Variants in NRXN3 observed in about 807,000 individuals in gnomAD.
The protein encoded by NRXN3 is neurexin 3, also known as neurexin III.
A neutral mutation model predicts 137.6 loss-of-function variants in NRXN3; 32 were observed. The observed-to-expected ratio is 0.23, with a 90% CI of 0.18 to 0.31. The LOEUF is 0.31. Among genes scored for constraint, NRXN3 ranks in the 10% least tolerant of loss-of-function variants. NRXN3 has a pLI of 1.00. For synonymous variants in NRXN3, 798 were observed against 784.5 expected (o/e 1.02, Z -0.29); for missense variants, 1,574 against 2,062.5 (o/e 0.76, Z 4.59).
intron 15 of NRXN3, among the ~76,000 whole-genome samples, chr14:79,238,629 T>C (rs2073820116): frequency 6.6e-6 from 1 of 152,176 alleles, no homozygotes; most frequent in Non-Finnish European, 1.5e-5. Context: ...ATCTTAATTT[T>C]CTTTTTTACA....
intron 19 of NRXN3, among the ~76,000 whole-genome samples, chr14:79,766,414 T>A (rs1289799008): frequency 6.6e-6 from 1 of 152,228 alleles, no homozygotes; most frequent in East Asian, 1.9e-4. Context: ...AATAGACGCT[T>A]ATTTCTTTTT....
In NRXN3 at chr14:79,216,544, G is replaced by C. The variant is rs533660755; in HGVS notation, c.3262+228403G>C. Among the ~76,000 whole-genome samples the C allele has an allele frequency of 3.3e-5, 5 of 152,158 alleles. No individual in the cohort carries two copies. In the South Asian group the frequency reaches 1.0e-3, roughly 32 times the overall value. On this transcript the variant is annotated intron_variant, in intron 15 of 20. Transcript: ENST00000335750. Reference sequence around the variant, plus strand: ...AATATACTTCTCTACAATATTGTTTGGTCATCTTATAAAAGTAAAAAATAG... The same window carrying C: ...AATATACTTCTCTACAATATTGTTTCGTCATCTTATAAAAGTAAAAAATAG...
intron 8 of NRXN3, among the ~76,000 whole-genome samples, chr14:78,761,984 G>C (rs1010917794): frequency 2.0e-5 from 3 of 152,170 alleles, no homozygotes; most frequent in African/African-American, 2.4e-5. Flanking sequence ...TCATTTTACA[G>C]ATAGGGAAAT....
chr14:79,506,208 G>A (rs2096876709), intron 16 of NRXN3, among the ~76,000 whole-genome samples: 1 of 152,116 alleles, frequency 6.6e-6, no homozygotes, highest in Admixed American at 6.6e-5. Context: ...TCAAGGGGAG[G>A]GGATTTTACA....
At chr14:79,085,448 G>A (rs935052750) in intron 15 of NRXN3, among the ~76,000 whole-genome samples, 8 of 151,960 alleles carry the variant, frequency 5.3e-5, no homozygotes, top group East Asian at 1.9e-4. Flanking sequence ...GTTTTTGAAC[G>A]TGCCCATTTT....
chr14:79,836,654 G>T (rs1016782945), intron 20 of NRXN3, among the ~76,000 whole-genome samples: 1 of 152,080 alleles, frequency 6.6e-6, no homozygotes. Context: ...CTTAGATTGA[G>T]GGTCCCAGAG....
chr14:78,950,040 C>T (rs548179519), intron 10 of NRXN3, among the ~76,000 whole-genome samples: 1 of 152,242 alleles, frequency 6.6e-6, no homozygotes, highest in Non-Finnish European at 1.5e-5. Context: ...CACGATCAGA[C>T]TCAAAAGCAC....
chr14:78,940,467 T>C (rs2152906896), intron 10 of NRXN3, among the ~76,000 whole-genome samples: 1 of 152,292 alleles, frequency 6.6e-6, no homozygotes, highest in South Asian at 2.1e-4. Context: ...TTTATATCAC[T>C]CTCTACTCCA....
intron 15 of NRXN3, among the ~76,000 whole-genome samples, chr14:79,183,549 A>G (rs2063179401): frequency 6.6e-6 from 1 of 152,244 alleles, no homozygotes. Flanking sequence ...CTCATTAAAA[A>G]TATATCTATG....
chr14:78,655,363 A>G (rs1402274067), intron 6 of NRXN3, among the ~76,000 whole-genome samples: 1 of 152,218 alleles, frequency 6.6e-6, no homozygotes, highest in Non-Finnish European at 1.5e-5. Flanking sequence ...ATAGAAATGT[A>G]AGTGTAAGTG....
chr14:78,497,466 A>G (rs1209178236), intron 4 of NRXN3, among the ~76,000 whole-genome samples: 2 of 152,144 alleles, frequency 1.3e-5, no homozygotes, highest in African/African-American at 4.8e-5. Context: ...TGATTTATAA[A>G]GAGAGAGGCT....
intron 15 of NRXN3, among the ~76,000 whole-genome samples, chr14:79,019,559 AATG>A (rs2099585227): frequency 6.6e-6 from 1 of 152,104 alleles, no homozygotes; most frequent in African/African-American, 2.4e-5. Context: ...ATAGAGATTG[AATG>A]AAGTGAGGAA....
At chr14:78,956,044 T>A (rs893550922) in intron 10 of NRXN3, among the ~76,000 whole-genome samples, 2 of 152,204 alleles carry the variant, frequency 1.3e-5, no homozygotes, top group Admixed American at 1.3e-4. Context: ...CAGTATATGT[T>A]GGAGCCAAGT....
chr14:79,498,222 A>G (rs1225858904), intron 16 of NRXN3, among the ~76,000 whole-genome samples: 1 of 152,230 alleles, frequency 6.6e-6, no homozygotes, highest in Admixed American at 6.5e-5. Context: ...TCACTAATTC[A>G]TCTCATAAAC....
At chr14:78,921,048 G>A (rs775049253) in intron 10 of NRXN3, among the ~76,000 whole-genome samples, 9 of 152,276 alleles carry the variant, frequency 5.9e-5, no homozygotes, top group Admixed American at 3.9e-4. Flanking sequence ...TGTCAGGGAC[G>A]GGGACCTTCA....
At chr14:78,235,886 G>A (rs1203932581) in intron 1 of NRXN3, among the ~76,000 whole-genome samples, 1 of 152,140 alleles carries the variant, frequency 6.6e-6, no homozygotes, top group Non-Finnish European at 1.5e-5. Context: ...GAGGACTAGG[G>A]TATAGAGTGG....
chr14:78,427,668 G>A (rs1452997055), intron 4 of NRXN3, among the ~76,000 whole-genome samples: 1 of 152,192 alleles, frequency 6.6e-6, no homozygotes, highest in Non-Finnish European at 1.5e-5. Flanking sequence ...GCAGAAGATG[G>A]ACATGGAGGC....
intron 8 of NRXN3, among the ~76,000 whole-genome samples, chr14:78,746,956 G>A (rs1369648480): frequency 6.6e-6 from 1 of 152,182 alleles, no homozygotes; most frequent in African/African-American, 2.4e-5. Flanking sequence ...TGGATGCCTG[G>A]CTCTGGGCTG....
Position 78,263,873 on chromosome 14 carries a change from TTGTGTGTGTGTGTG to T in NRXN3, c.710-14732_710-14719del, listed in dbSNP as rs3059009. ...ATTTTTAGCTGCTGTCAGTTCTATTTTGTGTGTGTGTGTGTGTGTGTGTGTGTGTGTGTGTGTGT... is the reference window on the plus strand; with the variant it reads ...ATTTTTAGCTGCTGTCAGTTCTATTTTGTGTGTGTGTGTGTGTGTGTGTGT... On this transcript the variant is annotated intron_variant, in intron 2 of 20. Coordinates refer to ENST00000335750, the MANE Select transcript of NRXN3 (RefSeq NM_001330195.2). 2.7e-3 allele frequency among the ~76,000 whole-genome samples: 370 copies of T among 135,564 alleles called. 2 individuals are homozygous for T. The highest frequency in any genetic ancestry group is 0.012 in the East Asian group (54 of 4,632). 88.9% of individuals were successfully genotyped at this position (135,564 alleles called of 152,430 possible). A position where few individuals can be genotyped will look rare whatever the true frequency, so the allele number is the denominator to read the frequency against.
Sources: gnomAD v4.1 joint callset for allele counts (sites outside exome capture counted in the v4.1 genomes callset) on GRCh38, gnomAD v4.1.1 for gene constraint, MANE v1.5 for transcripts, NCBI Gene and HGNC (gene_info 2026-07-23, HGNC 2026-07-21) for gene names.